Variants in CGNL1 observed in about 807,000 individuals in gnomAD.
CGNL1 encodes the protein cingulin-like protein 1.
A neutral mutation model predicts 141.2 loss-of-function variants in CGNL1; 132 were observed. The observed-to-expected ratio is 0.93, with a 90% CI of 0.81 to 1.08. The LOEUF (loss-of-function observed/expected upper bound fraction) is 1.08. Ranked by LOEUF, CGNL1 falls within the 50% of genes least tolerant of loss-of-function variation. The probability of loss-of-function intolerance (pLI) is 0.00; values close to 1 mark genes in which losing one functional copy is unlikely to be tolerated. For synonymous variants in CGNL1, 690 were observed against 622.1 expected (o/e 1.11, Z -1.63); for missense variants, 1,870 against 1,588.6 (o/e 1.18, Z -3.01).
chr15:57,514,854 G>A (rs557422480), intron 8 of CGNL1, among the ~76,000 whole-genome samples: 1 of 152,068 alleles, frequency 6.6e-6, no homozygotes, highest in African/African-American at 2.4e-5. Flanking sequence ...TTTGTTGAAG[G>A]CTATTCTTTC....
At chr15:57,517,169 G>A (rs553959888) in intron 9 of CGNL1, among the ~76,000 whole-genome samples, 183 bp downstream of exon 9, 1 of 152,258 alleles carries the variant, frequency 6.6e-6, no homozygotes, top group East Asian at 1.9e-4. Context: ...TGACAGGGAG[G>A]CCAGGGAACA....
intron 8 of CGNL1, among the ~76,000 whole-genome samples, chr15:57,492,501 GTAAAA>G (rs1245349970): frequency 6.6e-6 from 1 of 152,058 alleles, no homozygotes; most frequent in Non-Finnish European, 1.5e-5. Context: ...AGCACATAGA[GTAAAA>G]TAAAAAAGAT....
chr15:57,495,464 T>G (rs2063924519), intron 8 of CGNL1, among the ~76,000 whole-genome samples: 1 of 152,194 alleles, frequency 6.6e-6, no homozygotes, highest in Non-Finnish European at 1.5e-5. Flanking sequence ...TAAAATCAAA[T>G]GTCTCGTAAA....
intron 17 of CGNL1, 130 bp downstream of exon 17, chr15:57,545,830 C>A: frequency 1.3e-6 from 1 of 789,836 alleles, no homozygotes; most frequent in Admixed American, 2.4e-5. Flanking sequence ...TCCACGCACC[C>A]AGTCACATCA....
intron 1 of CGNL1, among the ~76,000 whole-genome samples, chr15:57,417,214 T>G (rs1309355682): frequency 3.3e-5 from 5 of 152,208 alleles, no homozygotes; most frequent in Admixed American, 2.0e-4. Context: ...TAATTGTTTA[T>G]ACTGCCCTTT....
At chr15:57,524,555 G>A (rs776088418) in intron 11 of CGNL1, 26 bp from the exon 12 acceptor site, 22 of 1,602,402 alleles carry the variant, frequency 1.4e-5, no homozygotes, top group Non-Finnish European at 1.8e-5. Flanking sequence ...CCCAGGGTGG[G>A]CTCACACCCG....
At chr15:57,429,510 C>T (rs79596044) in intron 1 of CGNL1, among the ~76,000 whole-genome samples, 4,753 of 152,248 alleles carry the variant, frequency 0.031, 263 homozygotes, top group African/African-American at 0.11. Flanking sequence ...GTAGCACAAA[C>T]GGTGTGGATC....
At chr15:57,441,197 G>C (rs2063182783) in intron 3 of CGNL1, among the ~76,000 whole-genome samples, 1 of 151,750 alleles carries the variant, frequency 6.6e-6, no homozygotes. Flanking sequence ...CAGTTTTAGA[G>C]CTAACAACAT....
In CGNL1 at chr15:57,492,484, T is replaced by C. The variant is rs115962670; in HGVS notation, c.2404-24296T>C. ...TTTCATAGGTTGAATCTGAGAATAC[T>C]TACAAAAGCACATAGAGTAAAATAA... On this transcript the variant is annotated intron_variant, in intron 8 of 18. Transcript: ENST00000281282. Among the ~76,000 whole-genome samples, 1,195 of 152,316 alleles carry C rather than the reference T, an allele frequency of 7.8e-3. 17 individuals are homozygous for C. The highest frequency in any genetic ancestry group is 0.027 in the African/African-American group (1,115 of 41,564).
At chr15:57,496,005 C>A (rs2063932717) in intron 8 of CGNL1, among the ~76,000 whole-genome samples, 1 of 152,010 alleles carries the variant, frequency 6.6e-6, no homozygotes, top group East Asian at 1.9e-4. Context: ...AAACTGATAA[C>A]CAGGAATGAC....
chr15:57,529,800 CAG>C (rs1284127674), intron 13 of CGNL1, among the ~76,000 whole-genome samples: 1 of 152,116 alleles, frequency 6.6e-6, no homozygotes, highest in Non-Finnish European at 1.5e-5. Flanking sequence ...TGCAAATAAA[CAG>C]AAATAATTTT....
At chr15:57,453,981 C>A (rs1294630799) in intron 7 of CGNL1, among the ~76,000 whole-genome samples, 163 bp downstream of exon 7, 1 of 152,202 alleles carries the variant, frequency 6.6e-6, no homozygotes, top group South Asian at 2.1e-4. Context: ...TCTCTCCTCT[C>A]AGCTTGGCAT....
chr15:57,452,360 C>T, intron 6 of CGNL1, 71 bp downstream of exon 6: 2 of 1,352,940 alleles, frequency 1.5e-6, no homozygotes, highest in East Asian at 2.5e-5. Flanking sequence ...ACTTTCTGTC[C>T]ATTTAATACT....
rs1192235905 is a variant in CGNL1, at chr15:57,467,773, T to G, written c.2403+5881T>G. 7.8e-5 allele frequency among the ~76,000 whole-genome samples: 11 copies of G among 140,316 alleles called. 1 individual carries two copies. The highest frequency in any genetic ancestry group is 2.4e-4 in the East Asian group (1 of 4,190). The allele number at this position is 140,316 out of a possible 152,430, so 92.1% of individuals were successfully genotyped here. ...GGTGTGATCTTGACTCACTGCAACC[T>G]CTGCCTCCTGGGTTCAAATGATTCT... On this transcript the variant is annotated intron_variant, in intron 8 of 18. Transcript: ENST00000281282.
At chr15:57,450,726 G>T (rs571268197) in intron 4 of CGNL1, among the ~76,000 whole-genome samples, 1 of 152,266 alleles carries the variant, frequency 6.6e-6, no homozygotes, top group Non-Finnish European at 1.5e-5. Context: ...ATAACTCTGT[G>T]TTGCTTGCTT....
At chr15:57,412,232 G>A (rs924527920) in intron 1 of CGNL1, among the ~76,000 whole-genome samples, 2 of 152,192 alleles carry the variant, frequency 1.3e-5, no homozygotes, top group African/African-American at 2.4e-5. Context: ...TGGGTGGCCC[G>A]AACCACCCTC....
At chr15:57,466,957 C>G (rs1359872707) in intron 8 of CGNL1, among the ~76,000 whole-genome samples, 1 of 152,094 alleles carries the variant, frequency 6.6e-6, no homozygotes, top group African/African-American at 2.4e-5. Flanking sequence ...GTCCAACATA[C>G]AGCAGTTATG....
chr15:57,397,365 C>T (rs1315151292), intron 1 of CGNL1, among the ~76,000 whole-genome samples: 5 of 152,192 alleles, frequency 3.3e-5, no homozygotes, highest in Non-Finnish European at 7.3e-5. Flanking sequence ...AGGCTGCCTC[C>T]ATTTGGCGGA....
intron 8 of CGNL1, among the ~76,000 whole-genome samples, chr15:57,473,059 G>T (rs1352284428): frequency 6.6e-6 from 1 of 152,120 alleles, no homozygotes; most frequent in Non-Finnish European, 1.5e-5. Flanking sequence ...CTCACTGATG[G>T]CCCTACACCA....
Sources: allele counts gnomAD v4.1 joint callset (sites outside exome capture counted in the v4.1 genomes callset), GRCh38; gene constraint gnomAD v4.1.1; transcripts MANE v1.5; gene names NCBI Gene and HGNC (gene_info 2026-07-23, HGNC 2026-07-21).